HTR3A: variants seen among roughly 807,000 people sequenced by gnomAD.
The protein encoded by HTR3A is 5-hydroxytryptamine receptor 3A.
A neutral mutation model predicts 54.8 loss-of-function variants in HTR3A; 45 were observed. The observed-to-expected ratio is 0.82, with a 90% CI of 0.65 to 1.05. The LOEUF is 1.05. HTR3A is among the 50% of genes least tolerant of loss of function. The pLI, the probability that HTR3A is intolerant of heterozygous loss-of-function variation, is 0.00. For synonymous variants in HTR3A, 297 were observed against 256.0 expected (o/e 1.16, Z -1.53); for missense variants, 657 against 614.0 (o/e 1.07, Z -0.74).
intron 2 of HTR3A, 53 bp from the exon 3 acceptor site, chr11:113,979,180 G>A (rs535630233): frequency 2.2e-6 from 3 of 1,384,780 alleles, no homozygotes; most frequent in South Asian, 1.2e-5. Context: ...GCATGTGCAG[G>A]GTGGCCCTCC....
chr11:113,983,371 G>T lies in HTR3A; in HGVS notation c.544+82G>T, dbSNP rs1192516690. 21 of 1,448,222 alleles carry T rather than the reference G, an allele frequency of 1.5e-5. No individual in the cohort carries two copies. In the South Asian group the frequency reaches 2.4e-4, roughly 17 times the overall value. 89.7% of individuals were successfully genotyped at this position (1,448,222 alleles called of 1,614,324 possible). A position where few individuals can be genotyped will look rare whatever the true frequency, so the allele number is the denominator to read the frequency against. On this transcript the variant is annotated intron_variant, in intron 5 of 8. Coordinates refer to ENST00000504030, the MANE Select transcript of HTR3A (RefSeq NM_000869.6). ...CTGAGCGAGGAGTGCTCCCCAGGGCGCCTTCTCACGTATCCAGCCTACTAA... is the reference window on the plus strand; with the variant it reads ...CTGAGCGAGGAGTGCTCCCCAGGGCTCCTTCTCACGTATCCAGCCTACTAA...
At chr11:113,979,171 C>T in intron 2 of HTR3A, 62 bp from the exon 3 acceptor site, 1 of 1,254,582 alleles carries the variant, frequency 8.0e-7, no homozygotes, top group Non-Finnish European at 1.2e-6. Flanking sequence ...TAGGGGCTGG[C>T]ATGTGCAGGG....
chr11:113,985,312 C>T (rs955842610), intron 5 of HTR3A, among the ~76,000 whole-genome samples: 1 of 152,124 alleles, frequency 6.6e-6, no homozygotes, highest in East Asian at 1.9e-4. Flanking sequence ...GGAGTTCATG[C>T]ACATTTAGGT....
At chr11:113,982,791 G>T (rs1350978660) in intron 4 of HTR3A, among the ~76,000 whole-genome samples, 1 of 152,174 alleles carries the variant, frequency 6.6e-6, no homozygotes, top group African/African-American at 2.4e-5. Context: ...CCCAGCCCAG[G>T]GCAGTGACGG....
chr11:113,987,311 G>A (rs1317972608), intron 8 of HTR3A, among the ~76,000 whole-genome samples: 1 of 152,204 alleles, frequency 6.6e-6, no homozygotes, highest in African/African-American at 2.4e-5. Context: ...TGAGTCCTCT[G>A]GGCTGAGAAT....
chr11:113,975,417 G>A (rs1950340403), intron 1 of HTR3A, 25 bp downstream of exon 1: 4 of 1,596,182 alleles, frequency 2.5e-6, no homozygotes, highest in Admixed American at 1.7e-5. Flanking sequence ...GGAAGCAGCA[G>A]GACTTGGCTG....
chr11:113,985,667 C>A (rs1219147009), intron 5 of HTR3A, among the ~76,000 whole-genome samples: 1 of 151,970 alleles, frequency 6.6e-6, no homozygotes, highest in Non-Finnish European at 1.5e-5. Flanking sequence ...GCAATTCTAA[C>A]AGGGAAAGCT....
intron 8 of HTR3A, among the ~76,000 whole-genome samples, 171 bp downstream of exon 8, chr11:113,987,217 CCCTTTCTTCACTTACACAACCTCTCATTA>C (rs1162368117): frequency 6.6e-6 from 1 of 152,192 alleles, no homozygotes; most frequent in Non-Finnish European, 1.5e-5. Flanking sequence ...TCAGTCCAGA[CCCTTTCTTCACTTACACAACCTCTCATTA>C]CCTTGGGTGT....
intron 1 of HTR3A, among the ~76,000 whole-genome samples, chr11:113,975,724 AGC>A: frequency 6.6e-6 from 1 of 152,150 alleles, no homozygotes; most frequent in Middle Eastern, 3.2e-3. Flanking sequence ...TTTGAATGAA[AGC>A]TGCAAGGGAC....
intron 1 of HTR3A, among the ~76,000 whole-genome samples, chr11:113,977,308 G>A (rs1012701977): frequency 1.3e-5 from 2 of 152,170 alleles, no homozygotes; most frequent in Admixed American, 6.5e-5. Flanking sequence ...GTTTGACCTT[G>A]GCTGAGGAAA....
intron 2 of HTR3A, 37 bp from the exon 3 acceptor site, chr11:113,979,196 A>C: frequency 6.3e-7 from 1 of 1,579,984 alleles, no homozygotes; most frequent in South Asian, 1.1e-5. Context: ...CCTCCAGTCC[A>C]CAGGGTTACT....
chr11:113,975,139 G>C lies in HTR3A; in HGVS notation c.-187G>C. On this transcript the variant is annotated 5_prime_UTR_variant, in exon 1 of 9. Transcript: ENST00000504030. ...TGATCCAGCTGAAGGACTGATTGCA[G>C]GAAAACTTGGCAGCTCCCCAACCTT... 1 of 702,778 alleles carries C rather than the reference G, an allele frequency of 1.4e-6. No homozygotes were observed. Among genetic ancestry groups the C allele is most frequent in the Non-Finnish European group, 2.6e-6 (1 of 387,132 alleles). 43.5% of individuals were successfully genotyped at this position (702,778 alleles called of 1,614,324 possible). A position where few individuals can be genotyped will look rare whatever the true frequency, so the allele number is the denominator to read the frequency against.
intron 1 of HTR3A, among the ~76,000 whole-genome samples, chr11:113,975,804 C>T (rs1010124904): frequency 4.6e-5 from 7 of 152,088 alleles, no homozygotes; most frequent in African/African-American, 7.2e-5. Flanking sequence ...GAGTGGGGAG[C>T]GGATAATTCA....
chr11:113,989,574 T>C lies in HTR3A; in HGVS notation c.1248T>C (p.Cys416=), dbSNP rs1417599971. ...PPPREASLAV[C]GLLQELSSIR... ...CTCGGGAGGCCTCGCTGGCGGTGTGTGGGCTGCTGCAGGAGCTGTCCTCCA... is the reference window on the plus strand; with the variant it reads ...CTCGGGAGGCCTCGCTGGCGGTGTGCGGGCTGCTGCAGGAGCTGTCCTCCA... Residue 416 remains cysteine (C), a synonymous_variant, in exon 9 of 9, where the codon TGT becomes TGC. Coordinates refer to ENST00000504030, the MANE Select transcript of HTR3A (RefSeq NM_000869.6). This position sits in a 1 kb window ranked among gnomAD's most constrained non-coding sequence, Gnocchi z 4.4. 9 of 1,614,158 alleles carry C rather than the reference T, an allele frequency of 5.6e-6. No individual in the cohort carries two copies. The East Asian group carries it at 2.0e-4, about 36-fold the overall frequency.
chr11:113,988,937 A>T (rs1950521784), intron 8 of HTR3A, among the ~76,000 whole-genome samples: 1 of 152,222 alleles, frequency 6.6e-6, no homozygotes, highest in Admixed American at 6.5e-5. Context: ...GATATTAATG[A>T]TCTGGAAGAG....
Position 113,975,324 on chromosome 11 carries a change from C to G in HTR3A, c.-2C>G. The G allele has an allele frequency of 6.2e-7, 1 of 1,613,570 alleles. No homozygotes were observed. Among genetic ancestry groups the G allele is most frequent in the Non-Finnish European group, 8.5e-7 (1 of 1,179,996 alleles). ...GGCACTCCTATGCTTGGAAAGCTCGCTATGCTGCTGTGGGTCCAGCAGGCG... is the reference window on the plus strand; with the variant it reads ...GGCACTCCTATGCTTGGAAAGCTCGGTATGCTGCTGTGGGTCCAGCAGGCG... On this transcript the variant is annotated 5_prime_UTR_variant, in exon 1 of 9. Coordinates refer to ENST00000504030, the MANE Select transcript of HTR3A (RefSeq NM_000869.6).
chr11:113,975,474 T>A (rs1248701941), intron 1 of HTR3A, 82 bp downstream of exon 1: 1 of 1,169,752 alleles, frequency 8.5e-7, no homozygotes. Context: ...CTCCGAGGGC[T>A]GTGGAGAGGA....
intron 5 of HTR3A, among the ~76,000 whole-genome samples, chr11:113,985,089 G>A (rs897687): frequency 0.91 from 137,821 of 152,212 alleles, 63,993 homozygotes; most frequent in East Asian, 1. Flanking sequence ...ACCAACAACA[G>A]GAGTTAACCA....
In HTR3A at chr11:113,989,330, T is replaced by G. The variant is rs1014733591; in HGVS notation, c.1139-135T>G. The G allele has an allele frequency of 1.5e-5, 15 of 973,870 alleles. No individual in the cohort carries two copies. The African/African-American group carries it at 2.4e-4, about 16-fold the overall frequency. 60.3% of individuals were successfully genotyped at this position (973,870 alleles called of 1,614,324 possible). On this transcript the variant is annotated intron_variant, in intron 8 of 8. Coordinates refer to ENST00000504030, the MANE Select transcript of HTR3A (RefSeq NM_000869.6). The surrounding 1 kb of genome is among the most constrained non-coding windows in gnomAD (Gnocchi z 4.4). The stretch of plus-strand genomic sequence containing the variant: ...GTGAGCTTAGATCACACCACTGCCC[T>G]CCAGCCTGGGTGACAGAGTGAGAAA...
Sources: gnomAD v4.1 joint callset for allele counts (sites outside exome capture counted in the v4.1 genomes callset) on GRCh38, gnomAD v4.1.1 for gene constraint, Gnocchi (gnomAD v3.1) non-coding constraint, MANE v1.5 for transcripts, NCBI Gene and HGNC (gene_info 2026-07-23, HGNC 2026-07-21) for gene names.